GNRHR: variants seen among roughly 807,000 people sequenced by gnomAD.
GNRHR encodes the protein gonadotropin releasing hormone receptor.
Under a neutral mutation model 28.1 loss-of-function variants are expected in GNRHR, and 14 were observed. The ratio of observed to expected loss-of-function variants is 0.50; its 90% CI spans 0.33 to 0.78. GNRHR has a LOEUF of 0.78. Among genes scored for constraint, GNRHR ranks in the 30% least tolerant of loss-of-function variants. The pLI is 0.02. For synonymous variants in GNRHR, 141 were observed against 140.5 expected, an observed-to-expected ratio of 1.00 and a Z score of -0.02; for missense variants, 366 against 382.1, an observed-to-expected ratio of 0.96 and a Z score of 0.35.
chr4:67,749,310 G>A lies in GNRHR; in HGVS notation c.522+4504C>T, dbSNP rs114854756. Among the ~76,000 whole-genome samples, 1,104 of 152,174 alleles carry A rather than the reference G, an allele frequency of 7.3e-3. 20 individuals are homozygous for A. Among genetic ancestry groups the A allele is most frequent in the African/African-American group, 0.025 (1,055 of 41,536 alleles). On this transcript the variant is annotated intron_variant, in intron 1 of 2. Coordinates refer to ENST00000226413, the MANE Select transcript of GNRHR (RefSeq NM_000406.3). ...TAAGGAGTGGCCCACATTTCTTGCC[G>A]GCAGGCCTGGGTTAACCATAGAATT...
In GNRHR at chr4:67,740,482, A is replaced by G; in HGVS notation, c.985T>C (p.Ter329ArgextTer22). ...TGACTTCTTGTGTAGTCTATCAATC[A>G]CAGAGAAAAATATCCATAGATAAGT... ...DPLIYGYFSL[*>R] The change falls in exon 3 of 3, where the codon TGA becomes CGA. Residue 329 changes from the stop codon to arginine (R), a stop_lost. Coordinates refer to ENST00000226413, the MANE Select transcript of GNRHR (RefSeq NM_000406.3). 6.2e-7 allele frequency: 1 copy of G among 1,600,686 alleles called. No homozygotes were observed. The highest frequency in any genetic ancestry group is 1.1e-5 in the South Asian group (1 of 90,772).
At chr4:67,751,377 A>C (rs2109986680) in intron 1 of GNRHR, among the ~76,000 whole-genome samples, 1 of 152,322 alleles carries the variant, frequency 6.6e-6, no homozygotes, top group African/African-American at 2.4e-5. Context: ...TATCAGCATT[A>C]CTTATGTGAG....
intron 2 of GNRHR, among the ~76,000 whole-genome samples, chr4:67,740,992 C>G (rs1210161424): frequency 6.6e-6 from 1 of 152,148 alleles, no homozygotes; most frequent in Non-Finnish European, 1.5e-5. Context: ...AAACTCTTAA[C>G]ATATAAATTT....
chr4:67,737,732 G>A lies in GNRHR; in HGVS notation c.*2748C>T, dbSNP rs1314834107. On this transcript the variant is annotated 3_prime_UTR_variant, in exon 3 of 3. Transcript: ENST00000226413. ...ATTGTCATTAGTTAATGTCACTCCT[G>A]TACTAAACTGAATTGCTAAAAGAAA... Among the ~76,000 whole-genome samples the A allele has an allele frequency of 6.6e-6, 1 of 151,744 alleles. No homozygotes were observed. Among genetic ancestry groups the A allele is most frequent in the Non-Finnish European group, 1.5e-5 (1 of 67,820 alleles).
chr4:67,748,681 C>T (rs1413501225), intron 1 of GNRHR, among the ~76,000 whole-genome samples: 3 of 150,264 alleles, frequency 2.0e-5, no homozygotes, highest in East Asian at 1.9e-4. Flanking sequence ...CAAACCTGCA[C>T]GTTGTGCACG....
chr4:67,743,520 G>A (rs1019059033), intron 2 of GNRHR, among the ~76,000 whole-genome samples: 3 of 152,050 alleles, frequency 2.0e-5, no homozygotes, highest in African/African-American at 7.3e-5. Context: ...ACCTAGCACA[G>A]TTTCCAGCAA....
Position 67,738,614 on chromosome 4 carries a change from T to C in GNRHR, c.*1866A>G, listed in dbSNP as rs188359092. Among the ~76,000 whole-genome samples, 1 of 152,114 alleles carries C rather than the reference T, an allele frequency of 6.6e-6. No homozygotes were observed. The highest frequency in any genetic ancestry group is 6.6e-5 in the Admixed American group (1 of 15,260). ...ATTTTAAATCCAGAAGTAAGAATTA[T>C]CAGTTTAGGAATAAGTATATGATAG... On this transcript the variant is annotated 3_prime_UTR_variant, in exon 3 of 3. Coordinates refer to ENST00000226413, the MANE Select transcript of GNRHR (RefSeq NM_000406.3).
rs1443020545 is a variant in GNRHR at position 67,739,765 on chromosome 4, G to A, written c.*715C>T. On this transcript the variant is annotated 3_prime_UTR_variant, in exon 3 of 3. Coordinates refer to ENST00000226413, the MANE Select transcript of GNRHR (RefSeq NM_000406.3). ...AACTCCACAGACTAGATAGCTTAGA[G>A]GAATGTTCTAAACCCCTGTCCAAAT... 2 of 151,914 alleles carry A rather than the reference G, an allele frequency of 1.3e-5. No homozygotes were observed. Among genetic ancestry groups the A allele is most frequent in the African/African-American group, 2.4e-5 (1 of 41,394 alleles). The allele number at this position is 151,914 out of a possible 1,614,324, so 9.4% of individuals were successfully genotyped here.
At chr4:67,750,794 T>G (rs1178138698) in intron 1 of GNRHR, among the ~76,000 whole-genome samples, 1 of 152,198 alleles carries the variant, frequency 6.6e-6, no homozygotes, top group Admixed American at 6.5e-5. Flanking sequence ...ACCCTTTTAA[T>G]GTAAATTAGG....
rs1731563508 is a variant in GNRHR, at chr4:67,737,233, A to G, written c.*3247T>C. Among the ~76,000 whole-genome samples, 1 of 152,104 alleles carries G rather than the reference A, an allele frequency of 6.6e-6. No individual in the cohort carries two copies. The highest frequency in any genetic ancestry group is 1.5e-5 in the Non-Finnish European group (1 of 67,958). ...AAGAAATTTTTAAGAAATCATGCAG[A>G]TAACTATATTAACAGTTTTCATATA... On this transcript the variant is annotated 3_prime_UTR_variant, in exon 3 of 3. Coordinates refer to ENST00000226413, the MANE Select transcript of GNRHR (RefSeq NM_000406.3).
Position 67,738,296 on chromosome 4 carries a change from G to A in GNRHR, c.*2184C>T, listed in dbSNP as rs2109979777. On this transcript the variant is annotated 3_prime_UTR_variant, in exon 3 of 3. Transcript: ENST00000226413. ...GTGCTATGAGCTGCTGTGGCAGTCT[G>A]GTCCATCCCTCTCAGGACTGTGTTT... Among the ~76,000 whole-genome samples the A allele has an allele frequency of 6.6e-6, 1 of 151,432 alleles. No individual in the cohort carries two copies. The highest frequency in any genetic ancestry group is 1.9e-4 in the East Asian group (1 of 5,172).
intron 2 of GNRHR, among the ~76,000 whole-genome samples, chr4:67,743,196 C>T (rs1280051837): frequency 6.6e-6 from 1 of 152,186 alleles, no homozygotes; most frequent in African/African-American, 2.4e-5. Context: ...AGGTGGTCCA[C>T]CTGCTTCGGC....
rs1469273874 is a variant in GNRHR, at chr4:67,744,765, T to A, written c.545A>T (p.His182Leu). Residue 182 changes from histidine to leucine, a missense_variant, in exon 2 of 3, where the codon CAT becomes CTT. His to Leu is a moderately conservative substitution (Grantham distance 99). Coordinates refer to ENST00000226413, the MANE Select transcript of GNRHR (RefSeq NM_000406.3). ...TGTCTGTCCAGAGCTGTCTGCTAGA[T>A]GAATCATCCTGAAGATGTATAACTG... ...GPQLYIFRMI[H>L]LADSSGQTKV... 6 of 1,577,666 alleles carry A rather than the reference T, an allele frequency of 3.8e-6. No individual in the cohort carries two copies. The highest frequency in any genetic ancestry group is 5.2e-6 in the Non-Finnish European group (6 of 1,146,836).
Position 67,740,246 on chromosome 4 carries a change from G to A in GNRHR, c.*234C>T, listed in dbSNP as rs1166563354. The stretch of plus-strand genomic sequence containing the variant: ...AATGTGTTATATGAGGTCAGAAAAG[G>A]CAGAGATTAATTTAGAAGCTTATGA... On this transcript the variant is annotated 3_prime_UTR_variant, in exon 3 of 3. Coordinates refer to ENST00000226413, the MANE Select transcript of GNRHR (RefSeq NM_000406.3). 4 of 474,564 alleles carry A rather than the reference G, an allele frequency of 8.4e-6. No homozygotes were observed. The highest frequency in any genetic ancestry group is 1.1e-5 in the Non-Finnish European group (3 of 262,016). The allele number at this position is 474,564 out of a possible 1,614,324, so 29.4% of individuals were successfully genotyped here.
chr4:67,744,540 A>C (rs761093036), intron 2 of GNRHR, 28 bp downstream of exon 2: 7 of 1,341,160 alleles, frequency 5.2e-6, no homozygotes, highest in African/African-American at 4.3e-5. Context: ...ACTGCCCACA[A>C]ATGACACTAA....
In GNRHR at chr4:67,744,562, A is replaced by G; in HGVS notation, c.742+6T>C. 6.6e-7 allele frequency: 1 copy of G among 1,520,550 alleles called. No homozygotes were observed. 94.2% of individuals were successfully genotyped at this position (1,520,550 alleles called of 1,614,324 possible). ...ACAAATGACACTAACTCTAAGGAAT[A>G]CATACCGTGGGGGTCCTGATGAAGG... On this transcript the variant is annotated splice_donor_region_variant and intron_variant, in intron 2 of 2. Coordinates refer to ENST00000226413, the MANE Select transcript of GNRHR (RefSeq NM_000406.3).
chr4:67,745,311 A>C (rs563682569), intron 1 of GNRHR, among the ~76,000 whole-genome samples: 1 of 152,146 alleles, frequency 6.6e-6, no homozygotes, highest in South Asian at 2.1e-4. Context: ...AAACAAAACA[A>C]CCCAGGAACC....
rs374645440 is a variant in GNRHR, at chr4:67,740,029, A to G, written c.*451T>C. ...TTATGGGCAAAGGGCTCTGTGCTCT[A>G]TGTATTATATAGCATACAACTCTAA... On this transcript the variant is annotated 3_prime_UTR_variant, in exon 3 of 3. Coordinates refer to ENST00000226413, the MANE Select transcript of GNRHR (RefSeq NM_000406.3). The G allele has an allele frequency of 1.3e-4, 20 of 158,130 alleles. No homozygotes were observed. Among genetic ancestry groups the G allele is most frequent in the African/African-American group, 3.4e-4 (14 of 41,588 alleles). 9.8% of individuals were successfully genotyped at this position (158,130 alleles called of 1,614,324 possible). A position where few individuals can be genotyped will look rare whatever the true frequency, so the allele number is the denominator to read the frequency against.
At chr4:67,752,160 T>G (rs1731880635) in intron 1 of GNRHR, among the ~76,000 whole-genome samples, 1 of 152,134 alleles carries the variant, frequency 6.6e-6, no homozygotes, top group Non-Finnish European at 1.5e-5. Flanking sequence ...CTTTGTTTTA[T>G]TCCACTCCAT....
Sources: allele counts gnomAD v4.1 joint callset (sites outside exome capture counted in the v4.1 genomes callset), GRCh38; gene constraint gnomAD v4.1.1; transcripts MANE v1.5; gene names NCBI Gene and HGNC (gene_info 2026-07-23, HGNC 2026-07-21).